TBCE: variants seen among roughly 807,000 people sequenced by gnomAD.
The protein encoded by TBCE is tubulin folding cofactor E.
TBCE carries 53 observed loss-of-function variants against 77.0 expected under a neutral mutation model. That is an observed-to-expected ratio of 0.69 (90% confidence interval 0.55 to 0.87). The LOEUF is 0.87. TBCE is among the 40% of genes least tolerant of loss of function. The probability of loss-of-function intolerance (pLI) is 0.00; values close to 1 mark genes in which losing one functional copy is unlikely to be tolerated. For missense variants in TBCE, 624 were observed against 622.4 expected (o/e 1.00, Z -0.03); for synonymous variants, 235 against 241.3 (o/e 0.97, Z 0.24).
At position 235,414,487 on chromosome 1, in the gene TBCE, C is replaced by G. The variant is rs1157011952; in HGVS notation, c.240C>G (p.Asp80Glu). 1.2e-6 allele frequency: 2 copies of G among 1,613,780 alleles called. No individual in the cohort carries two copies. Among genetic ancestry groups the G allele is most frequent in the Admixed American group, 3.3e-5 (2 of 59,998 alleles). ...CGAACAAGGTAAATTTTGGAACAGA[C>G]TTTCTTACTGCAATTAAGAACCGCT... ...IRPNKVNFGT[D>E]FLTAIKNRYV... is the part of the protein sequence containing the mutation. The change falls in exon 4 of 17, where the codon GAC becomes GAG. Residue 80 changes from aspartate to glutamate, a missense_variant. Asp to Glu is a conservative substitution (Grantham distance 45). Coordinates refer to ENST00000642610, the MANE Select transcript of TBCE (RefSeq NM_003193.5).
intron 5 of TBCE, 27 bp from the exon 6 acceptor site, chr1:235,427,113 T>C: frequency 2.0e-6 from 3 of 1,469,780 alleles, no homozygotes; most frequent in Non-Finnish European, 2.9e-6. Flanking sequence ...TCTTTTGAAA[T>C]TACTGTTTCT....
intron 2 of TBCE, among the ~76,000 whole-genome samples, chr1:235,394,049 T>C (rs1678567956): frequency 6.6e-6 from 1 of 152,222 alleles, no homozygotes; most frequent in African/African-American, 2.4e-5. Context: ...GCAGCCCTAC[T>C]TAAAATTTGT....
At chr1:235,401,417 G>A (rs532839386) in intron 2 of TBCE, 86 bp from the exon 3 acceptor site, 19 of 1,140,792 alleles carry the variant, frequency 1.7e-5, no homozygotes, top group South Asian at 3.7e-5. Context: ...TATGGTTTCC[G>A]CTGCAAATTG....
intron 2 of TBCE, among the ~76,000 whole-genome samples, chr1:235,386,143 C>T (rs2102825114): frequency 6.6e-6 from 1 of 152,300 alleles, no homozygotes; most frequent in East Asian, 1.9e-4. Context: ...TGAATATTGG[C>T]TCCCACTCTC....
chr1:235,448,918 C>T lies in TBCE; in HGVS notation c.*156C>T. On this transcript the variant is annotated 3_prime_UTR_variant, in exon 17 of 17. Coordinates refer to ENST00000642610, the MANE Select transcript of TBCE (RefSeq NM_003193.5). ...GATGTATTTTTTGTTGGGAAGTGACCATTTCTAGGCTTATACATAATAGCA... is the reference window on the plus strand; with the variant it reads ...GATGTATTTTTTGTTGGGAAGTGACTATTTCTAGGCTTATACATAATAGCA... 2 of 648,270 alleles carry T rather than the reference C, an allele frequency of 3.1e-6. No individual in the cohort carries two copies. Among genetic ancestry groups the T allele is most frequent in the Non-Finnish European group, 5.6e-6 (2 of 357,642 alleles). 40.2% of individuals were successfully genotyped at this position (648,270 alleles called of 1,614,324 possible). A position where few individuals can be genotyped will look rare whatever the true frequency, so the allele number is the denominator to read the frequency against.
At chr1:235,375,858 T>C (rs1287620422) in intron 1 of TBCE, among the ~76,000 whole-genome samples, 3 of 151,496 alleles carry the variant, frequency 2.0e-5, no homozygotes, top group African/African-American at 7.3e-5. Context: ...GCCTGACCAA[T>C]AAGGTGAAAC....
chr1:235,389,990 G>T (rs904188348), intron 2 of TBCE, among the ~76,000 whole-genome samples: 1 of 151,898 alleles, frequency 6.6e-6, no homozygotes, highest in Non-Finnish European at 1.5e-5. Flanking sequence ...GCTGGGTTTT[G>T]TGGTGCGCTC....
chr1:235,396,954 GTTTATTTATTTA>G (rs143979836), intron 2 of TBCE, among the ~76,000 whole-genome samples: 2 of 148,350 alleles, frequency 1.3e-5, no homozygotes, highest in African/African-American at 2.5e-5. Flanking sequence ...TTTGTTGATT[GTTTATTTATTTA>G]TTTATTTATT....
At chr1:235,376,880 G>A (rs542193410) in intron 1 of TBCE, among the ~76,000 whole-genome samples, 8 of 151,970 alleles carry the variant, frequency 5.3e-5, no homozygotes, top group African/African-American at 1.4e-4. Context: ...AGGGTGAGGC[G>A]GAAGAATCGC....
chr1:235,437,261 A>G (rs1681522262), intron 11 of TBCE, 61 bp from the exon 12 acceptor site: 1 of 1,610,684 alleles, frequency 6.2e-7, no homozygotes, highest in African/African-American at 1.3e-5. Flanking sequence ...GCTGGTTCAA[A>G]CTTCTGCAAA....
In TBCE at chr1:235,414,418, G is replaced by A; in HGVS notation, c.186-15G>A. The A allele has an allele frequency of 1.9e-6, 3 of 1,612,424 alleles. No individual in the cohort carries two copies. Among genetic ancestry groups the A allele is most frequent in the Non-Finnish European group, 2.5e-6 (3 of 1,179,722 alleles). On this transcript the variant is annotated splice_polypyrimidine_tract_variant and intron_variant, in intron 3 of 16. Transcript: ENST00000642610. ...GGGTAATATTTTCTGTGTTTCATTT[G>A]CTCTTCTTTACCAGGCACCCGACAG...
intron 3 of TBCE, among the ~76,000 whole-genome samples, chr1:235,408,976 T>C (rs2102871231): frequency 1.3e-5 from 2 of 150,680 alleles, no homozygotes; most frequent in South Asian, 4.2e-4. Flanking sequence ...ACCAAATGCA[T>C]AGTGAACTTT....
chr1:235,381,289 C>A (rs900775245), intron 2 of TBCE, among the ~76,000 whole-genome samples: 2 of 152,118 alleles, frequency 1.3e-5, no homozygotes, highest in African/African-American at 4.8e-5. Context: ...AACTTAAAAA[C>A]AACTAATGAG....
intron 5 of TBCE, among the ~76,000 whole-genome samples, chr1:235,425,205 G>A (rs1344005034): frequency 6.6e-6 from 1 of 152,136 alleles, no homozygotes; most frequent in Admixed American, 6.5e-5. Context: ...ACCCACGCCT[G>A]CTCATCCTGT....
chr1:235,437,691 G>A (rs866110210), intron 12 of TBCE, among the ~76,000 whole-genome samples: 5 of 151,804 alleles, frequency 3.3e-5, no homozygotes, highest in African/African-American at 1.2e-4. Context: ...GCGCCTGTAA[G>A]TGCTTGTAGT....
At chr1:235,423,348 G>C (rs1232037781) in intron 5 of TBCE, among the ~76,000 whole-genome samples, 1 of 152,144 alleles carries the variant, frequency 6.6e-6, no homozygotes, top group Non-Finnish European at 1.5e-5. Context: ...GTTCGTGGTT[G>C]ATTTCAGGAT....
At chr1:235,394,418 CTT>C (rs386370043) in intron 2 of TBCE, among the ~76,000 whole-genome samples, 10,010 of 71,354 alleles carry the variant, frequency 0.14, 299 homozygotes, top group African/African-American at 0.25. Context: ...TTGATAATTT[CTT>C]TTTTTTTTTT....
At chr1:235,387,665 AGG>A (rs1678109020) in intron 2 of TBCE, among the ~76,000 whole-genome samples, 2 of 152,172 alleles carry the variant, frequency 1.3e-5, no homozygotes, top group South Asian at 4.1e-4. Context: ...GTGCAGTATT[AGG>A]GTGGGAGTGA....
rs1200096115 is a variant in TBCE at position 235,437,558 on chromosome 1, T to C, written c.1116+84T>C. The C allele has an allele frequency of 1.1e-5, 17 of 1,529,246 alleles. No homozygotes were observed. In the East Asian group the frequency reaches 3.9e-4, roughly 35 times the overall value. The allele number at this position is 1,529,246 out of a possible 1,614,324, so 94.7% of individuals were successfully genotyped here. ...CAGGCGCCGTGGCTCACACCTGTAATCCCAGCACTTTGGGAGGCTGGGGCA... is the reference window on the plus strand; with the variant it reads ...CAGGCGCCGTGGCTCACACCTGTAACCCCAGCACTTTGGGAGGCTGGGGCA... On this transcript the variant is annotated intron_variant, in intron 12 of 16. Transcript: ENST00000642610.
Sources: gnomAD v4.1 joint callset for allele counts (sites outside exome capture counted in the v4.1 genomes callset) on GRCh38, gnomAD v4.1.1 for gene constraint, MANE v1.5 for transcripts, NCBI Gene and HGNC (gene_info 2026-07-23, HGNC 2026-07-21) for gene names.